Variants in RNF170 observed in about 807,000 individuals in gnomAD.
RNF170 encodes ring finger protein 170.
Under a neutral mutation model 32.7 loss-of-function variants are expected in RNF170, and 12 were observed. The ratio of observed to expected loss-of-function variants is 0.37; its 90% confidence interval spans 0.24 to 0.60. RNF170 has a LOEUF of 0.60. Ranked by LOEUF, RNF170 falls within the 20% of genes least tolerant of loss-of-function variation. RNF170 has a pLI of 0.72. For synonymous variants in RNF170, 91 were observed against 103.6 expected (o/e 0.88, Z 0.74); for missense variants, 212 against 311.2 (o/e 0.68, Z 2.40).
intron 1 of RNF170, among the ~76,000 whole-genome samples, chr8:42,892,274 C>A (rs1420298298): frequency 6.6e-6 from 1 of 152,198 alleles, no homozygotes; most frequent in East Asian, 1.9e-4. Context: ...GCCTCGACCT[C>A]CCAGGCTCAA....
At chr8:42,894,047 C>A (rs1806533063) in intron 1 of RNF170, among the ~76,000 whole-genome samples, 1 of 152,184 alleles carries the variant, frequency 6.6e-6, no homozygotes, top group South Asian at 2.1e-4. Flanking sequence ...CTTCCTGGAA[C>A]AAAGGAGAGA....
At chr8:42,852,156 C>A (rs1253098548), downstream of RNF170, among the ~76,000 whole-genome samples, 4 of 152,090 alleles carry the variant, frequency 2.6e-5, no homozygotes, top group African/African-American at 9.7e-5. Flanking sequence ...TCAAGCAGCA[C>A]CCAAGGATCA....
intron 3 of RNF170, among the ~76,000 whole-genome samples, chr8:42,871,575 CTT>C (rs879900479): frequency 5.5e-5 from 8 of 145,484 alleles, no homozygotes; most frequent in Non-Finnish European, 6.1e-5. Flanking sequence ...CCCTTCTCTA[CTT>C]TTTTTTTTTT....
intron 1 of RNF170, among the ~76,000 whole-genome samples, chr8:42,895,139 AC>A (rs1183723594): frequency 6.6e-6 from 1 of 151,426 alleles, no homozygotes; most frequent in Non-Finnish European, 1.5e-5. Flanking sequence ...ACATAGCGAG[AC>A]CCCCTCTCTA....
At position 42,874,667 on chromosome 8, in the gene RNF170, G is replaced by A. The variant is rs188278961; in HGVS notation, c.138-661C>T. On this transcript the variant is annotated intron_variant, in intron 2 of 6. Transcript: ENST00000527424. ...TGAGGCAGGAGAATTGCTGGAACCC[G>A]GGAAGCAGAGGTTGTAGTAAGCTGA... Among the ~76,000 whole-genome samples the A allele has an allele frequency of 1.8e-3, 275 of 151,752 alleles. 1 individual carries two copies. The highest frequency in any genetic ancestry group is 0.013 in the East Asian group (67 of 5,130).
chr8:42,861,678 A>C (rs1283600277), intron 6 of RNF170, 67 bp downstream of exon 6: 1 of 1,255,908 alleles, frequency 8.0e-7, no homozygotes, highest in Admixed American at 1.7e-5. Flanking sequence ...TTGTTGGTAA[A>C]CCTCACTTTA....
chr8:42,880,524 C>A (rs1828776056), intron 2 of RNF170, among the ~76,000 whole-genome samples: 1 of 152,198 alleles, frequency 6.6e-6, no homozygotes, highest in Admixed American at 6.5e-5. Context: ...GTAATCCCAG[C>A]ACTTTGGGAG....
At chr8:42,896,140 C>A in intron 1 of RNF170, 1 of 217,444 alleles carries the variant, frequency 4.6e-6, no homozygotes, top group South Asian at 5.0e-5. Context: ...CGGCCGGTGT[C>A]CTTACGGATT....
chr8:42,861,860 A>G lies in RNF170; in HGVS notation c.397-5T>C, dbSNP rs199763919. 1.2e-6 allele frequency: 2 copies of G among 1,602,532 alleles called. No homozygotes were observed. The highest frequency in any genetic ancestry group is 2.2e-5 in the East Asian group (1 of 44,740). The stretch of plus-strand genomic sequence containing the variant: ...TACTGTTAGGAGTAAGGTTACCTGT[A>G]TATTACAGAAAAAAAAATTATTTCA... On this transcript the variant is annotated splice_polypyrimidine_tract_variant and splice_region_variant and intron_variant, in intron 5 of 6. Transcript: ENST00000527424.
intron 2 of RNF170, among the ~76,000 whole-genome samples, chr8:42,877,684 G>T (rs1805061225): frequency 1.3e-5 from 2 of 152,046 alleles, no homozygotes; most frequent in Non-Finnish European, 2.9e-5. Context: ...ATTTTAGGAA[G>T]AAGCAAGAAA....
intron 2 of RNF170, among the ~76,000 whole-genome samples, chr8:42,883,279 AC>A (rs1475763594): frequency 1.3e-5 from 2 of 152,024 alleles, no homozygotes; most frequent in East Asian, 3.9e-4. Flanking sequence ...CTGCACACAC[AC>A]CCCCAAAATC....
At chr8:42,896,411 A>G (rs1433316731) in intron 1 of RNF170, 73 bp downstream of exon 1, 1 of 450,694 alleles carries the variant, frequency 2.2e-6, no homozygotes, top group South Asian at 1.6e-5. Context: ...CTACCCCAAG[A>G]AGGCCAGACC....
intron 3 of RNF170, among the ~76,000 whole-genome samples, chr8:42,873,635 C>A (rs982253667): frequency 3.3e-5 from 5 of 151,942 alleles, no homozygotes; most frequent in African/African-American, 1.2e-4. Context: ...AATGTTTTTT[C>A]TACTACATTT....
downstream of RNF170, chr8:42,851,008 T>G: frequency 6.4e-7 from 1 of 1,550,876 alleles, no homozygotes; most frequent in Non-Finnish European, 8.7e-7. Flanking sequence ...CTACACACGG[T>G]AGTCAGAATG....
downstream of RNF170, chr8:42,853,264 CAACTGTTAAAT>C (rs758103493): frequency 2.8e-6 from 3 of 1,065,164 alleles, no homozygotes; most frequent in Middle Eastern, 4.3e-4. Context: ...TGAAAGCAAA[CAACTGTTAAAT>C]AAACAGAAAA....
In RNF170 at chr8:42,873,932, T is replaced by C; in HGVS notation, c.212A>G (p.Gln71Arg). Residue 71 changes from glutamine (Q) to arginine (R), a missense_variant and splice_region_variant, in exon 3 of 7, where the codon CAG becomes CGG. By Grantham distance (43) the Gln-to-Arg change is conservative. This residue lies in a region of RNF170 where 115 missense variants were observed against 132.3 expected (regional missense o/e 0.87). Coordinates refer to ENST00000527424, the MANE Select transcript of RNF170 (RefSeq NM_030954.4). Reference protein sequence around the residue: ...RVLREQLQTEQDAPAATRQQF... With the variant: ...RVLREQLQTERDAPAATRQQF... ...CTCAAATAAATACATATACAATACC[T>C]GTTCTGTTTGAAGCTGTTCTCGAAG... 6.5e-7 allele frequency: 1 copy of C among 1,541,720 alleles called. No individual in the cohort carries two copies. The highest frequency in any genetic ancestry group is 9.0e-7 in the Non-Finnish European group (1 of 1,114,196).
intron 6 of RNF170, among the ~76,000 whole-genome samples, chr8:42,858,520 C>G (rs1803412442): frequency 6.6e-6 from 1 of 152,168 alleles, no homozygotes; most frequent in African/African-American, 2.4e-5. Flanking sequence ...ATGGTCCTTA[C>G]CCTTATGAAG....
chr8:42,873,790 C>T, intron 3 of RNF170, 141 bp downstream of exon 3: 1 of 637,572 alleles, frequency 1.6e-6, no homozygotes, highest in Non-Finnish European at 2.8e-6. Flanking sequence ...TGCAAATATA[C>T]AATCTATAAA....
intron 1 of RNF170, 23 bp from the exon 2 acceptor site, chr8:42,887,894 G>GA: frequency 6.2e-7 from 1 of 1,604,352 alleles, no homozygotes; most frequent in Non-Finnish European, 8.5e-7. Flanking sequence ...GAAACAAGAT[G>GA]AGAGTTACAA....
Sources: gnomAD v4.1 joint callset for allele counts (sites outside exome capture counted in the v4.1 genomes callset) on GRCh38, gnomAD v4.1.1 for gene constraint, gnomAD v4.1.1 regional missense constraint, MANE v1.5 for transcripts, NCBI Gene and HGNC (gene_info 2026-07-23, HGNC 2026-07-21) for gene names.